AP3D1: variants seen among roughly 807,000 people sequenced by gnomAD.
AP3D1 encodes adaptor related protein complex 3 subunit delta 1.
In AP3D1, 51 loss-of-function variants were observed where a neutral mutation model predicts 147.6. That is an observed-to-expected ratio of 0.35 (90% confidence interval 0.28 to 0.44). AP3D1 has a LOEUF of 0.44. AP3D1 is among the 20% of genes least tolerant of loss of function. The pLI, the probability that AP3D1 is intolerant of heterozygous loss-of-function variation, is 1.00. For missense variants in AP3D1, 1,421 were observed against 1,624.2 expected, an observed-to-expected ratio of 0.87 and a Z score of 2.15; for synonymous variants, 760 against 663.0, an observed-to-expected ratio of 1.15 and a Z score of -2.25.
rs757129171 is a variant in AP3D1, at chr19:2,101,049, GAT to G, written c.*1122_*1123del. The stretch of plus-strand genomic sequence containing the variant: ...TGACACAAAATCATGACAGCAGCGT[GAT>G]ATGTCTCTCTCTTTATACGGGAATG... On this transcript the variant is annotated 3_prime_UTR_variant, in exon 32 of 32. Transcript: ENST00000643116. The G allele has an allele frequency of 1.9e-4, 29 of 152,504 alleles. No individual in the cohort carries two copies. Among genetic ancestry groups the G allele is most frequent in the Admixed American group, 1.7e-3 (26 of 15,278 alleles). The allele number at this position is 152,504 out of a possible 1,614,324, so 9.4% of individuals were successfully genotyped here.
At chr19:2,112,513 A>C in intron 24 of AP3D1, 1 of 227,208 alleles carries the variant, frequency 4.4e-6, no homozygotes, top group Non-Finnish European at 8.6e-6. Context: ...CAGGGAAGGG[A>C]GTGAGAAGTA....
chr19:2,151,213 G>T, intron 1 of AP3D1, 26 bp downstream of exon 1: 1 of 1,599,470 alleles, frequency 6.3e-7, no homozygotes, highest in Non-Finnish European at 8.5e-7. Flanking sequence ...ACCAGGCCGA[G>T]CAGCCCCTTG....
At chr19:2,157,441 C>CAAAAAA (rs137939397) in intron 1 of AP3D1, among the ~76,000 whole-genome samples, 1,147 of 101,028 alleles carry the variant, frequency 0.011, 106 homozygotes, top group African/African-American at 0.063. Flanking sequence ...GACTCCGTCT[C>CAAAAAA]AAAAAAAAAA....
intron 1 of AP3D1, among the ~76,000 whole-genome samples, chr19:2,142,127 C>T (rs1043723666): frequency 6.6e-6 from 1 of 151,940 alleles, no homozygotes; most frequent in Non-Finnish European, 1.5e-5. Flanking sequence ...AAGCAATTCT[C>T]CTGCCTCAGC....
In AP3D1 at chr19:2,120,932, T is replaced by A. The variant is rs767249856; in HGVS notation, c.1411A>T (p.Ser471Cys). 53 of 1,611,846 alleles carry A rather than the reference T, an allele frequency of 3.3e-5. No individual in the cohort carries two copies. In the Admixed American group the frequency reaches 4.3e-4, roughly 13 times the overall value. Reference sequence around the variant, plus strand: ...CAGATCCCGTTCCGCTGGGTGCTGCTGGCCAGCAGGTGTGCACTGTCAAGC... The same window carrying A: ...CAGATCCCGTTCCGCTGGGTGCTGCAGGCCAGCAGGTGTGCACTGTCAAGC... ...ALLDSAHLLA[S>C]STQRNGICEV... The change falls in exon 14 of 32, where the codon AGC becomes TGC. Residue 471 changes from serine to cysteine, a missense_variant. Ser to Cys is a moderately radical substitution (Grantham distance 112). This residue lies in a region of AP3D1 where 310 missense variants were observed against 388.1 expected (regional missense o/e 0.80). Coordinates refer to ENST00000643116, the MANE Select transcript of AP3D1 (RefSeq NM_001261826.3).
At chr19:2,107,803 A>C (rs978498956) in intron 31 of AP3D1, among the ~76,000 whole-genome samples, 3 of 116,598 alleles carry the variant, frequency 2.6e-5, no homozygotes, top group African/African-American at 8.7e-5. Flanking sequence ...GAAAAAAGAG[A>C]CACAAACCGT....
chr19:2,111,911 G>A lies in AP3D1; in HGVS notation c.2788-83C>T, dbSNP rs79777473. Reference sequence around the variant, plus strand: ...CAGTGTGAGGTCAGGATCACAGCAGGGCTGCTCAGGCTGAGGGTCCCACGT... The same window carrying A: ...CAGTGTGAGGTCAGGATCACAGCAGAGCTGCTCAGGCTGAGGGTCCCACGT... On this transcript the variant is annotated intron_variant, in intron 24 of 31. Coordinates refer to ENST00000643116, the MANE Select transcript of AP3D1 (RefSeq NM_001261826.3). The A allele has an allele frequency of 7.0e-4, 1,117 of 1,589,948 alleles. 4 individuals carry two copies. The African/African-American group carries it at 0.014, about 20-fold the overall frequency.
chr19:2,156,009 C>T (rs1317231336), upstream of AP3D1, among the ~76,000 whole-genome samples: 5 of 149,362 alleles, frequency 3.3e-5, no homozygotes, highest in African/African-American at 5.0e-5. Context: ...GCCACGATTG[C>T]GCCACTGCAC....
Position 2,102,523 on chromosome 19 carries a change from T to C in AP3D1, c.3553-255A>G, listed in dbSNP as rs574922748. Among the ~76,000 whole-genome samples the C allele has an allele frequency of 6.6e-5, 10 of 151,830 alleles. 1 individual carries two copies. The South Asian group carries it at 2.1e-3, about 32-fold the overall frequency. ...GCAGGCAGATCACCAGGTCAGGATATTGAGACCATCCTGGCTAACAGGGTG... is the reference window on the plus strand; with the variant it reads ...GCAGGCAGATCACCAGGTCAGGATACTGAGACCATCCTGGCTAACAGGGTG... On this transcript the variant is annotated intron_variant, in intron 31 of 31. Transcript: ENST00000643116.
At chr19:2,158,851 G>A (rs1297462578) in intron 1 of AP3D1, among the ~76,000 whole-genome samples, 1 of 152,108 alleles carries the variant, frequency 6.6e-6, no homozygotes, top group Non-Finnish European at 1.5e-5. Flanking sequence ...AGCTGTTACC[G>A]TCTTTGTTTC....
chr19:2,143,511 A>G (rs978666562), intron 1 of AP3D1, among the ~76,000 whole-genome samples: 2 of 151,344 alleles, frequency 1.3e-5, no homozygotes, highest in Non-Finnish European at 2.9e-5. Context: ...AAGTGCTGGG[A>G]TTACAGGCGT....
intron 27 of AP3D1, 63 bp from the exon 28 acceptor site, chr19:2,110,287 C>T: frequency 4.3e-6 from 6 of 1,393,806 alleles, no homozygotes; most frequent in South Asian, 1.2e-5. Context: ...GGTGGGGCCT[C>T]CAGGTCTGTC....
rs563371458 is a variant in AP3D1 at position 2,163,176 on chromosome 19, C to T, written c.-103+1180G>A. ...GCAACCTCTGCCTCCTGGGTTCAAG[C>T]GATTCTCCTACCTCAGCCCCCGCAG... On this transcript the variant is annotated intron_variant, in intron 1 of 14. Transcript: ENST00000643010. Among the ~76,000 whole-genome samples, 16 of 152,248 alleles carry T rather than the reference C, an allele frequency of 1.1e-4. No homozygotes were observed. The South Asian group carries it at 1.7e-3, about 16-fold the overall frequency.
chr19:2,109,062 C>A (rs1599440033), intron 30 of AP3D1, 24 bp downstream of exon 30: 1 of 1,605,662 alleles, frequency 6.2e-7, no homozygotes, highest in Non-Finnish European at 8.5e-7. Context: ...CCCGTGCAAT[C>A]CATCAGCCCC....
Position 2,121,876 on chromosome 19 carries a change from T to C in AP3D1, c.959A>G (p.Lys320Arg), listed in dbSNP as rs1265861044. ...GGACATTGCCAGCAGCCCCAGGTAC[T>C]TCACTGCAGAGAGAGGCCAGAGCCG... ...ILIEDSDQNL[K>R]YLGLLAMSKI... is the part of the protein sequence containing the mutation. Residue 320 changes from lysine to arginine, a missense_variant, in exon 12 of 32, where the codon AAG (lysine) becomes AGG (arginine). Transcript: ENST00000643116. 1.2e-6 allele frequency: 2 copies of C among 1,604,686 alleles called. No individual in the cohort carries two copies. The highest frequency in any genetic ancestry group is 1.1e-5 in the South Asian group (1 of 90,056).
At chr19:2,149,590 G>T (rs1298145887) in intron 1 of AP3D1, among the ~76,000 whole-genome samples, 1 of 151,496 alleles carries the variant, frequency 6.6e-6, no homozygotes, top group Non-Finnish European at 1.5e-5. Flanking sequence ...CCTTGAAGGG[G>T]CCCAGACTTG....
intron 1 of AP3D1, among the ~76,000 whole-genome samples, chr19:2,161,036 A>G (rs1240667657): frequency 6.6e-6 from 1 of 152,054 alleles, no homozygotes; most frequent in Non-Finnish European, 1.5e-5. Flanking sequence ...CTGAGGTCCC[A>G]GGAGGCTGCC....
intron 1 of AP3D1, among the ~76,000 whole-genome samples, chr19:2,147,946 G>A (rs546430104): frequency 1.3e-5 from 2 of 151,878 alleles, no homozygotes; most frequent in South Asian, 2.1e-4. Context: ...CACTTTGGGA[G>A]GCCGAGGCGG....
intron 5 of AP3D1, among the ~76,000 whole-genome samples, chr19:2,130,808 G>C (rs2018918148): frequency 6.6e-6 from 1 of 152,250 alleles, no homozygotes; most frequent in Admixed American, 6.5e-5. Flanking sequence ...AGGAAGGCTG[G>C]AGAGGAAAGT....
Sources: gnomAD v4.1 joint callset for allele counts (sites outside exome capture counted in the v4.1 genomes callset) on GRCh38, gnomAD v4.1.1 for gene constraint, gnomAD v4.1.1 regional missense constraint, MANE v1.5 for transcripts, NCBI Gene and HGNC (gene_info 2026-07-23, HGNC 2026-07-21) for gene names.